The following PLPPR1 variants were observed in gnomAD, a reference collection of about 807,000 sequenced individuals.
PLPPR1 encodes phospholipid phosphatase-related protein type 1.
A neutral mutation model predicts 33.1 loss-of-function variants in PLPPR1; 10 were observed. The ratio of observed to expected loss-of-function variants is 0.30; its 90% CI spans 0.19 to 0.51. The LOEUF is 0.51. Ranked by LOEUF, PLPPR1 falls within the 20% of genes least tolerant of loss-of-function variation. The probability of loss-of-function intolerance (pLI) is 0.97; values close to 1 mark genes in which losing one functional copy is unlikely to be tolerated. For synonymous variants in PLPPR1, 151 were observed against 151.0 expected, an observed-to-expected ratio of 1.00 and a Z score of 0.00; for missense variants, 304 against 408.1, an observed-to-expected ratio of 0.74 and a Z score of 2.20.
chr9:101,196,575 T>C (rs1826396889), intron 2 of PLPPR1, among the ~76,000 whole-genome samples: 1 of 152,216 alleles, frequency 6.6e-6, no homozygotes, highest in Non-Finnish European at 1.5e-5. Context: ...AAGAATTATA[T>C]TGTTGGCCGG....
chr9:101,319,320 G>T (rs1375659575), intron 7 of PLPPR1, among the ~76,000 whole-genome samples: 1 of 152,184 alleles, frequency 6.6e-6, no homozygotes, highest in Non-Finnish European at 1.5e-5. Context: ...GGGACTACAG[G>T]CACGCGCCAC....
At chr9:101,298,695 A>G (rs1183741151) in intron 4 of PLPPR1, among the ~76,000 whole-genome samples, 1 of 152,170 alleles carries the variant, frequency 6.6e-6, no homozygotes, top group Non-Finnish European at 1.5e-5. Context: ...GATGCTAGGT[A>G]CAGATTAAGG....
Position 101,153,684 on chromosome 9 carries a change from T to G in PLPPR1, c.-45-31766T>G, listed in dbSNP as rs12349241. Among the ~76,000 whole-genome samples, 481 of 152,188 alleles carry G rather than the reference T, an allele frequency of 3.2e-3. 1 individual carries two copies. Among genetic ancestry groups the G allele is most frequent in the African/African-American group, 0.011 (455 of 41,532 alleles). Reference sequence around the variant, plus strand: ...CCGACTCCCGGGTTCACACCATTCTTCTGCCTCAGCCTCCTGAGTAGCTGG... The same window carrying G: ...CCGACTCCCGGGTTCACACCATTCTGCTGCCTCAGCCTCCTGAGTAGCTGG... On this transcript the variant is annotated intron_variant, in intron 1 of 7. Transcript: ENST00000374874.
intron 3 of PLPPR1, among the ~76,000 whole-genome samples, chr9:101,277,581 T>G (rs959192230): frequency 1.1e-3 from 164 of 152,334 alleles, no homozygotes; most frequent in African/African-American, 3.9e-3. Flanking sequence ...GAGCCCTCTC[T>G]TTTTGGCTCC....
chr9:101,269,354 TC>T (rs1828053823), intron 2 of PLPPR1, among the ~76,000 whole-genome samples: 1 of 152,238 alleles, frequency 6.6e-6, no homozygotes, highest in Admixed American at 6.5e-5. Flanking sequence ...TGTCGAAATT[TC>T]CCTTAACCCA....
chr9:101,103,288 T>C, intron 1 of PLPPR1, among the ~76,000 whole-genome samples: 1 of 86,232 alleles, frequency 1.2e-5, no homozygotes, highest in Admixed American at 1.2e-4. Flanking sequence ...AGGTCTAACG[T>C]TTAAATCTTT....
chr9:101,289,584 C>T (rs2118920837), intron 4 of PLPPR1, among the ~76,000 whole-genome samples: 1 of 152,292 alleles, frequency 6.6e-6, no homozygotes, highest in South Asian at 2.1e-4. Context: ...GGGGTGGTTC[C>T]CCCATACTGT....
chr9:101,152,983 T>C (rs183601568), intron 1 of PLPPR1, among the ~76,000 whole-genome samples: 87 of 152,328 alleles, frequency 5.7e-4, no homozygotes, highest in African/African-American at 1.9e-3. Context: ...TATAAATTAC[T>C]TTGGGCAGAA....
intron 1 of PLPPR1, among the ~76,000 whole-genome samples, chr9:101,141,891 T>G (rs2118633039): frequency 6.6e-6 from 1 of 152,312 alleles, no homozygotes; most frequent in East Asian, 1.9e-4. Context: ...GTTGACTTTC[T>G]CTACTGCTGC....
intron 7 of PLPPR1, among the ~76,000 whole-genome samples, chr9:101,322,854 A>G (rs1829180732): frequency 6.6e-6 from 1 of 152,208 alleles, no homozygotes; most frequent in Admixed American, 6.5e-5. Flanking sequence ...AACCCTCCTC[A>G]AAACACATGA....
chr9:101,099,526 A>T (rs1830869220), intron 1 of PLPPR1, among the ~76,000 whole-genome samples: 1 of 152,278 alleles, frequency 6.6e-6, no homozygotes, highest in East Asian at 1.9e-4. Context: ...TTGAAAATAC[A>T]TGGGGAGAAA....
intron 1 of PLPPR1, among the ~76,000 whole-genome samples, chr9:101,040,895 A>T (rs577642262): frequency 2.0e-5 from 3 of 152,230 alleles, no homozygotes; most frequent in Non-Finnish European, 4.4e-5. Flanking sequence ...AATTTAATTA[A>T]AATGTATTTA....
At chr9:101,219,078 C>T (rs1180366356) in intron 2 of PLPPR1, among the ~76,000 whole-genome samples, 1 of 152,190 alleles carries the variant, frequency 6.6e-6, no homozygotes, top group African/African-American at 2.4e-5. Context: ...GAACACGCTC[C>T]TCCATCCGGC....
At chr9:101,049,183 G>C (rs1830190481) in intron 1 of PLPPR1, among the ~76,000 whole-genome samples, 1 of 152,098 alleles carries the variant, frequency 6.6e-6, no homozygotes, top group African/African-American at 2.4e-5. Flanking sequence ...GACTTAATTG[G>C]CAAATATTTT....
At chr9:101,090,672 C>T (rs746399923) in intron 1 of PLPPR1, among the ~76,000 whole-genome samples, 1 of 152,108 alleles carries the variant, frequency 6.6e-6, no homozygotes, top group South Asian at 2.1e-4. Context: ...GAGCCGAGAT[C>T]GTGCCACTGC....
intron 1 of PLPPR1, among the ~76,000 whole-genome samples, chr9:101,168,383 A>G (rs531156649): frequency 3.7e-4 from 56 of 152,176 alleles, no homozygotes; most frequent in African/African-American, 1.1e-3. Context: ...ATGATATGGG[A>G]TGTTCTGTTC....
At chr9:101,122,889 C>T (rs1362975190) in intron 1 of PLPPR1, among the ~76,000 whole-genome samples, 4 of 152,198 alleles carry the variant, frequency 2.6e-5, no homozygotes, top group Non-Finnish European at 5.9e-5. Flanking sequence ...GGAGCTAGAT[C>T]TGTATTTGTC....
chr9:101,102,131 C>G (rs1329355231), intron 1 of PLPPR1, among the ~76,000 whole-genome samples: 3 of 96,200 alleles, frequency 3.1e-5, no homozygotes, highest in African/African-American at 4.5e-5. Context: ...CCTATTATAG[C>G]TTTATTCTTT....
intron 1 of PLPPR1, among the ~76,000 whole-genome samples, chr9:101,070,146 C>A (rs1830464857): frequency 6.6e-6 from 1 of 152,072 alleles, no homozygotes; most frequent in Non-Finnish European, 1.5e-5. Context: ...ACATTCCTCA[C>A]TTAAGGAATG....
Sources: gnomAD v4.1 joint callset for allele counts (sites outside exome capture counted in the v4.1 genomes callset) on GRCh38, gnomAD v4.1.1 for gene constraint, MANE v1.5 for transcripts, NCBI Gene and HGNC (gene_info 2026-07-23, HGNC 2026-07-21) for gene names.